The following NAV2 variants were observed in gnomAD, a reference collection of about 807,000 sequenced individuals.
NAV2 encodes the protein neuron navigator 2.
Under a neutral mutation model 223.2 loss-of-function variants are expected in NAV2, and 54 were observed. The ratio of observed to expected loss-of-function variants is 0.24; its 90% confidence interval spans 0.19 to 0.30. The LOEUF (loss-of-function observed/expected upper bound fraction) is 0.30. Among genes scored for constraint, NAV2 ranks in the 10% least tolerant of loss-of-function variants. The probability of loss-of-function intolerance (pLI) is 1.00; values close to 1 mark genes in which losing one functional copy is unlikely to be tolerated. For missense variants in NAV2, 2,806 were observed against 3,147.5 expected (o/e 0.89, Z 2.60); for synonymous variants, 1,279 against 1,239.3 (o/e 1.03, Z -0.67).
Position 19,981,852 on chromosome 11 carries a change from G to A in NAV2, c.2646-2273G>A, listed in dbSNP as rs186527084. Among the ~76,000 whole-genome samples the A allele has an allele frequency of 4.6e-5, 7 of 152,262 alleles. No homozygotes were observed. In the East Asian group the frequency reaches 5.8e-4, roughly 13 times the overall value. On this transcript the variant is annotated intron_variant, in intron 10 of 37. Coordinates refer to ENST00000349880, the MANE Select transcript of NAV2 (RefSeq NM_145117.5). ...TGGATGATGGGTAGATTGGCAGATCGACAGTTTAATTTGCTTGTCATATGT... is the reference window on the plus strand; with the variant it reads ...TGGATGATGGGTAGATTGGCAGATCAACAGTTTAATTTGCTTGTCATATGT...
At chr11:19,894,488 A>C (rs904290758) in intron 6 of NAV2, among the ~76,000 whole-genome samples, 17 of 152,220 alleles carry the variant, frequency 1.1e-4, no homozygotes, top group African/African-American at 3.9e-4. Flanking sequence ...TGAGAAAATA[A>C]AGATAAAAGT....
chr11:19,572,869 T>G (rs1325726076), intron 1 of NAV2, among the ~76,000 whole-genome samples: 1 of 152,144 alleles, frequency 6.6e-6, no homozygotes, highest in Non-Finnish European at 1.5e-5. Flanking sequence ...TATTAATTAG[T>G]ATAATTACCT....
chr11:19,971,338 A>G (rs925694187), intron 10 of NAV2, among the ~76,000 whole-genome samples: 12 of 152,024 alleles, frequency 7.9e-5, no homozygotes, highest in East Asian at 3.9e-4. Flanking sequence ...GTGCCTTTTC[A>G]CTGTGGGATT....
chr11:19,449,139 T>C (rs1228122718), intron 1 of NAV2, among the ~76,000 whole-genome samples: 4 of 152,218 alleles, frequency 2.6e-5, no homozygotes, highest in Admixed American at 2.6e-4. Context: ...CCTGGTTCTG[T>C]TAAGCCATCA....
rs1442715154 is a variant in NAV2 at position 19,933,571 on chromosome 11, G to A, written c.1327G>A (p.Glu443Lys). Residue 443 changes from glutamate (E) to lysine (K), a missense_variant, in exon 7 of 38, where the codon GAG becomes AAG. Around this residue, in one of 4 missense-constraint regions of NAV2, gnomAD observed 1,167 missense variants for 1,180.5 expected, o/e 0.99. Coordinates refer to ENST00000349880, the MANE Select transcript of NAV2 (RefSeq NM_145117.5). This position sits in a 1 kb window ranked among gnomAD's most constrained non-coding sequence, Gnocchi z 4.3. ...LPSFEESEEL[E>K]AASRMLTTVG... ...CAGCTTCGAAGAGAGCGAGGAGCTG[G>A]AGGCCGCCAGTCGCATGCTCACCAC... The A allele has an allele frequency of 5.0e-6, 8 of 1,611,010 alleles. No homozygotes were observed. Among genetic ancestry groups the A allele is most frequent in the Non-Finnish European group, 6.8e-6 (8 of 1,177,938 alleles).
At chr11:19,876,958 AT>A (rs2062874062) in intron 4 of NAV2, among the ~76,000 whole-genome samples, 1 of 128,318 alleles carries the variant, frequency 7.8e-6, no homozygotes, top group Non-Finnish European at 1.8e-5. Flanking sequence ...TTATTTATCA[AT>A]AAAAAATATT....
intron 28 of NAV2, 94 bp downstream of exon 28, chr11:20,092,462 C>G (rs2060918318): frequency 7.5e-7 from 1 of 1,337,072 alleles, no homozygotes; most frequent in South Asian, 1.4e-5. Flanking sequence ...ATCAACAGAT[C>G]AAATGGAGAG....
intron 11 of NAV2, chr11:20,023,091 G>A: frequency 1.3e-6 from 2 of 1,551,822 alleles, no homozygotes; most frequent in South Asian, 2.4e-5. Flanking sequence ...TTCTCCAAGG[G>A]CCGCAATGTA....
chr11:19,836,804 G>T (rs1246283177), intron 2 of NAV2, among the ~76,000 whole-genome samples: 1 of 152,206 alleles, frequency 6.6e-6, no homozygotes, highest in African/African-American at 2.4e-5. Context: ...TCTGGAGGCT[G>T]GAAGTCAAAG....
chr11:19,504,423 G>A (rs889192466), intron 1 of NAV2: 1 of 152,240 alleles, frequency 6.6e-6, no homozygotes, highest in Admixed American at 6.5e-5. Context: ...CCTGATGGAA[G>A]AGGGAAACTT....
At position 20,103,712 on chromosome 11, in the gene NAV2, AC is replaced by A; in HGVS notation, c.6634del (p.His2212IlefsTer15). 1 of 1,614,108 alleles carries A rather than the reference AC, an allele frequency of 6.2e-7. No homozygotes were observed. The highest frequency in any genetic ancestry group is 8.5e-7 in the Non-Finnish European group (1 of 1,179,950). Reference sequence around the variant, plus strand: ...TCTTCGACTCCCAACCTGCAGCTTCACCATAACTTCAGGTCAGTTTTCCCTT... The same window carrying A: ...TCTTCGACTCCCAACCTGCAGCTTCACATAACTTCAGGTCAGTTTTCCCTT... ...ATSSTPNLQL[H>X]HNFRWVLCAN... On this transcript the variant is annotated frameshift_variant, in exon 34 of 38. Transcript: ENST00000349880. LOFTEE classifies it high-confidence loss of function.
chr11:19,565,572 C>T (rs1447002095), intron 1 of NAV2, among the ~76,000 whole-genome samples: 1 of 152,220 alleles, frequency 6.6e-6, no homozygotes, highest in African/African-American at 2.4e-5. Flanking sequence ...TGATCTCTCC[C>T]TTAACCACCC....
intron 11 of NAV2, among the ~76,000 whole-genome samples, chr11:20,015,662 C>T (rs994935980): frequency 2.6e-5 from 4 of 152,170 alleles, no homozygotes; most frequent in African/African-American, 9.6e-5. Flanking sequence ...AGAGAGACAT[C>T]TTCTCTTTGA....
intron 4 of NAV2, among the ~76,000 whole-genome samples, chr11:19,873,313 A>G (rs773393190): frequency 2.0e-5 from 3 of 152,120 alleles, no homozygotes; most frequent in Non-Finnish European, 4.4e-5. Context: ...AAGACAGGCA[A>G]ATCAACTTTT....
chr11:19,924,515 G>A (rs2403543), intron 6 of NAV2, among the ~76,000 whole-genome samples: 233 of 152,286 alleles, frequency 1.5e-3, no homozygotes, highest in African/African-American at 5.1e-3. Flanking sequence ...GAAAAACTGG[G>A]AAATGTGTGG....
At chr11:20,108,505 C>T (rs987660222) in intron 36 of NAV2, among the ~76,000 whole-genome samples, 1 of 151,954 alleles carries the variant, frequency 6.6e-6, no homozygotes, top group Admixed American at 6.6e-5. Flanking sequence ...TACAGTGGCA[C>T]AATCTCAGCT....
At chr11:20,000,404 T>C (rs192718653) in intron 11 of NAV2, among the ~76,000 whole-genome samples, 2 of 152,288 alleles carry the variant, frequency 1.3e-5, no homozygotes, top group African/African-American at 2.4e-5. Context: ...CCTCAGAGCA[T>C]GCACTTATTA....
intron 1 of NAV2, among the ~76,000 whole-genome samples, chr11:19,651,711 C>T (rs2047972481): frequency 6.6e-6 from 1 of 152,214 alleles, no homozygotes; most frequent in Non-Finnish European, 1.5e-5. Context: ...GAGGTAAAAG[C>T]TCAATGCATG....
At chr11:19,978,319 A>G (rs1023994441) in intron 10 of NAV2, among the ~76,000 whole-genome samples, 4 of 152,216 alleles carry the variant, frequency 2.6e-5, no homozygotes, top group Non-Finnish European at 5.9e-5. Flanking sequence ...ACACTGTATT[A>G]TAACTGAGTA....
Sources: gnomAD v4.1 joint callset for allele counts (sites outside exome capture counted in the v4.1 genomes callset) on GRCh38, gnomAD v4.1.1 for gene constraint, gnomAD v4.1.1 regional missense constraint, Gnocchi (gnomAD v3.1) non-coding constraint, MANE v1.5 for transcripts, NCBI Gene and HGNC (gene_info 2026-07-23, HGNC 2026-07-21) for gene names.